WWOX: variants seen among roughly 807,000 people sequenced by gnomAD.
WWOX encodes WW domain-containing oxidoreductase.
WWOX carries 69 observed loss-of-function variants against 46.2 expected under a neutral mutation model. That is an observed-to-expected ratio of 1.49 (90% CI 1.23 to 1.82). The LOEUF is 1.82. WWOX is among the 40% of genes most tolerant of loss of function. The pLI is 0.00. For synonymous variants in WWOX, 359 were observed against 202.6 expected, an observed-to-expected ratio of 1.77 and a Z score of -6.56; for missense variants, 919 against 542.6, an observed-to-expected ratio of 1.69 and a Z score of -6.89.
chr16:78,614,393 C>G lies in WWOX; in HGVS notation c.1056+181641C>G, dbSNP rs573444441. Among the ~76,000 whole-genome samples, 4 of 152,338 alleles carry G rather than the reference C, an allele frequency of 2.6e-5. No individual in the cohort carries two copies. The South Asian group carries it at 8.3e-4, about 32-fold the overall frequency. On this transcript the variant is annotated intron_variant, in intron 8 of 8. Transcript: ENST00000566780. ...TCATATCTTCAATGCATCATTTATTCTGAGTCCACATTGCTGCCTTTGAGC... is the reference window on the plus strand; with the variant it reads ...TCATATCTTCAATGCATCATTTATTGTGAGTCCACATTGCTGCCTTTGAGC...
intron 4 of WWOX, among the ~76,000 whole-genome samples, chr16:78,137,625 C>T (rs893743035): frequency 6.6e-6 from 1 of 152,128 alleles, no homozygotes; most frequent in African/African-American, 2.4e-5. Flanking sequence ...GGTTAAGATG[C>T]ACCGTCATAT....
chr16:78,321,325 TAC>T (rs1442448441), intron 5 of WWOX, among the ~76,000 whole-genome samples: 1 of 82,670 alleles, frequency 1.2e-5, no homozygotes, highest in Non-Finnish European at 2.2e-5. Flanking sequence ...CGTATATATA[TAC>T]GTATATATGC....
intron 8 of WWOX, among the ~76,000 whole-genome samples, chr16:78,634,707 A>T (rs866544446): frequency 0.035 from 3,296 of 95,130 alleles, 122 homozygotes; most frequent in African/African-American, 0.14. Flanking sequence ...CTCTGTGTTA[A>T]AAAAAAAAAA....
At chr16:78,731,087 G>T in intron 8 of WWOX, among the ~76,000 whole-genome samples, 1 of 152,144 alleles carries the variant, frequency 6.6e-6, no homozygotes, top group Non-Finnish European at 1.5e-5. Context: ...TTGATGTCAT[G>T]GGTGGGAAAT....
In WWOX at chr16:78,803,164, C is replaced by T. The variant is rs564086435; in HGVS notation, c.1056+370412C>T. Among the ~76,000 whole-genome samples the T allele has an allele frequency of 9.2e-5, 14 of 151,650 alleles. No individual in the cohort carries two copies. The South Asian group carries it at 2.9e-3, about 32-fold the overall frequency. ...TCCAACAGTTCTGATTTATTCCACT[C>T]ACACAACAAGTCAGTTCTTAACACA... On this transcript the variant is annotated intron_variant, in intron 8 of 8. Transcript: ENST00000566780.
intron 5 of WWOX, among the ~76,000 whole-genome samples, chr16:78,360,507 G>C (rs973200753): frequency 6.6e-6 from 1 of 151,144 alleles, no homozygotes; most frequent in Non-Finnish European, 1.5e-5. Context: ...ATCACTTGAA[G>C]CTGGGAGCTG....
intron 8 of WWOX, among the ~76,000 whole-genome samples, chr16:78,877,493 G>A (rs2044258219): frequency 6.6e-6 from 1 of 152,170 alleles, no homozygotes; most frequent in African/African-American, 2.4e-5. Flanking sequence ...CAGTGAAGCT[G>A]TTTCTCACCA....
In WWOX at chr16:78,113,527, G is replaced by A. The variant is rs140602038; in HGVS notation, c.231-1449G>A. On this transcript the variant is annotated intron_variant, in intron 3 of 8. Transcript: ENST00000566780. The stretch of plus-strand genomic sequence containing the variant: ...CTCCTGGTCTAATCTAGAGGAGTAA[G>A]CAAGGGCTTTGGGGGGAACCTGGAA... Among the ~76,000 whole-genome samples the A allele has an allele frequency of 4.5e-3, 689 of 152,308 alleles. 3 individuals are homozygous for A. The highest frequency in any genetic ancestry group is 7.0e-3 in the Non-Finnish European group (476 of 68,026).
chr16:79,074,243 T>C (rs902390863), intron 8 of WWOX, among the ~76,000 whole-genome samples: 2 of 151,792 alleles, frequency 1.3e-5, no homozygotes, highest in Non-Finnish European at 2.9e-5. Context: ...TTTTAAAAAA[T>C]ATAATAAATC....
rs117531617 is a variant in WWOX at position 79,185,392 on chromosome 16, G to C, written c.1057-26216G>C. On this transcript the variant is annotated intron_variant, in intron 8 of 8. Coordinates refer to ENST00000566780, the MANE Select transcript of WWOX (RefSeq NM_016373.4). The stretch of plus-strand genomic sequence containing the variant: ...TTTACAGTTTGAGGGGAAAAAAGAG[G>C]TAATACTTGAAAGTGTATTTGACCA... Among the ~76,000 whole-genome samples, 1,292 of 152,298 alleles carry C rather than the reference G, an allele frequency of 8.5e-3. 9 individuals are homozygous for C. The highest frequency in any genetic ancestry group is 0.014 in the Non-Finnish European group (944 of 68,018).
intron 8 of WWOX, among the ~76,000 whole-genome samples, chr16:78,708,453 T>G (rs946310338): frequency 1.3e-5 from 2 of 152,190 alleles, no homozygotes; most frequent in Non-Finnish European, 2.9e-5. Context: ...CTTGGTATCT[T>G]TCCTCCTGTG....
At chr16:79,173,717 A>G (rs2050745964) in intron 8 of WWOX, among the ~76,000 whole-genome samples, 4 of 152,210 alleles carry the variant, frequency 2.6e-5, no homozygotes, top group African/African-American at 4.8e-5. Context: ...TCCATAAATC[A>G]TAGTATATTC....
At position 78,914,805 on chromosome 16, in the gene WWOX, G is replaced by C. The variant is rs549832179; in HGVS notation, c.1057-296803G>C. ...GAGGCAGGAGAATGGCGTGAACCCAGGAGGCGGAGCTTGCAGTGAGCCAGG... is the reference window on the plus strand; with the variant it reads ...GAGGCAGGAGAATGGCGTGAACCCACGAGGCGGAGCTTGCAGTGAGCCAGG... On this transcript the variant is annotated intron_variant, in intron 8 of 8. Coordinates refer to ENST00000566780, the MANE Select transcript of WWOX (RefSeq NM_016373.4). Among the ~76,000 whole-genome samples the C allele has an allele frequency of 2.7e-5, 4 of 150,268 alleles. No individual in the cohort carries two copies. In the South Asian group the frequency reaches 8.4e-4, roughly 32 times the overall value.
intron 1 of WWOX, 56 bp downstream of exon 1, chr16:78,099,941 A>T: frequency 6.5e-7 from 1 of 1,535,288 alleles, no homozygotes; most frequent in African/African-American, 1.4e-5. Context: ...CAGCCCACGG[A>T]CGCCACCTGC....
intron 5 of WWOX, chr16:78,179,827 C>T (rs184481195): frequency 2.3e-4 from 35 of 152,298 alleles, no homozygotes; most frequent in Admixed American, 1.8e-3. Flanking sequence ...TTGTCTTGTT[C>T]CTCTTGGTAT....
At chr16:79,166,532 A>C (rs1567593630) in intron 8 of WWOX, among the ~76,000 whole-genome samples, 1 of 152,160 alleles carries the variant, frequency 6.6e-6, no homozygotes, top group Non-Finnish European at 1.5e-5. Flanking sequence ...CCGCATTTTC[A>C]ACATTTCCTA....
intron 5 of WWOX, among the ~76,000 whole-genome samples, chr16:78,251,471 G>A (rs547210773): frequency 3.9e-5 from 6 of 152,208 alleles, no homozygotes; most frequent in Admixed American, 3.9e-4. Context: ...CTCTGTACAG[G>A]TGCCAGGCGT....
intron 8 of WWOX, among the ~76,000 whole-genome samples, chr16:79,194,734 C>T (rs978776132): frequency 6.6e-6 from 1 of 152,142 alleles, no homozygotes; most frequent in African/African-American, 2.4e-5. Flanking sequence ...TTTCCATCGT[C>T]CAAAATTTTT....
At chr16:79,056,424 G>A (rs568853303) in intron 8 of WWOX, among the ~76,000 whole-genome samples, 11 of 152,326 alleles carry the variant, frequency 7.2e-5, no homozygotes, top group Non-Finnish European at 1.6e-4. Flanking sequence ...GCCTTGTCCT[G>A]TGGTTTAAGG....
Sources: allele counts gnomAD v4.1 joint callset (sites outside exome capture counted in the v4.1 genomes callset), GRCh38; gene constraint gnomAD v4.1.1; transcripts MANE v1.5; gene names NCBI Gene and HGNC (gene_info 2026-07-23, HGNC 2026-07-21).